ZNF329: variants seen among roughly 807,000 people sequenced by gnomAD.
The protein encoded by ZNF329 is zinc finger protein 329.
A neutral mutation model predicts 26.6 loss-of-function variants in ZNF329; 15 were observed. The ratio of observed to expected loss-of-function variants is 0.56; its 90% CI spans 0.38 to 0.87. ZNF329 has a LOEUF of 0.87. Among genes scored for constraint, ZNF329 ranks in the 40% least tolerant of loss-of-function variants. The pLI is 0.00. For missense variants in ZNF329, 651 were observed against 651.9 expected (o/e 1.00, Z 0.02); for synonymous variants, 239 against 233.5 (o/e 1.02, Z -0.21).
chr19:58,129,397 T>G lies in ZNF329; in HGVS notation c.107A>C (p.Asp36Ala), dbSNP rs2074885240. 1.9e-6 allele frequency: 3 copies of G among 1,614,190 alleles called. No individual in the cohort carries two copies. Among genetic ancestry groups the G allele is most frequent in the Non-Finnish European group, 2.5e-6 (3 of 1,180,020 alleles). ...CTCCTGGTTCTCACAGTCCCAACCA[T>G]CACCTAAACTGGACAAGCAGGGAAC... Reference protein sequence around the residue: ...REVPCLSSLGDGWDCENQEGH... With the variant: ...REVPCLSSLGAGWDCENQEGH... Residue 36 changes from aspartate (D) to alanine (A), a missense_variant, in exon 4 of 4, where the codon GAT (aspartate) becomes GCT (alanine). By Grantham distance (126) the Asp-to-Ala change is moderately radical (BLOSUM62 -2). Coordinates refer to ENST00000598312, the MANE Select transcript of ZNF329 (RefSeq NM_024620.4).
chr19:58,150,290 A>G (rs999767287), intron 1 of ZNF329, among the ~76,000 whole-genome samples: 5 of 152,238 alleles, frequency 3.3e-5, no homozygotes, highest in Non-Finnish European at 7.3e-5. Context: ...GGCTCAGCCC[A>G]CTGGCTCACG....
At chr19:58,135,425 G>A (rs2013635) in intron 3 of ZNF329, among the ~76,000 whole-genome samples, 22,998 of 151,858 alleles carry the variant, frequency 0.15, 1,716 homozygotes, top group Admixed American at 0.19. Context: ...CCACCACTAC[G>A]CCAGCTAATT....
rs1247333559 is a variant in ZNF329, at chr19:58,128,371, T to C, written c.1133A>G (p.Lys378Arg). The C allele has an allele frequency of 1.2e-6, 2 of 1,613,930 alleles. No homozygotes were observed. The highest frequency in any genetic ancestry group is 2.2e-5 in the East Asian group (1 of 44,862). The change falls in exon 4 of 4, where the codon AAA (lysine) becomes AGA (arginine). Residue 378 changes from lysine (K) to arginine (R), a missense_variant. Physicochemically the swap from Lys to Arg is conservative, Grantham distance 26 (BLOSUM62 2). Transcript: ENST00000598312. ...GAGGTGAGAGTTTCTGTTGAAGGAT[T>C]TCCCGCACTCTGCACACTCAAAGGG... The part of the protein sequence containing the change: ...EKPFECAECG[K>R]SFNRNSHLIV...
upstream of ZNF329, among the ~76,000 whole-genome samples, chr19:58,153,720 T>TC (rs1210116255): frequency 3.9e-5 from 6 of 152,228 alleles, no homozygotes; most frequent in East Asian, 3.9e-4. Context: ...ACTTTTTTTT[T>TC]CTCTTAGAAA....
chr19:58,150,351 T>C (rs1023952874), intron 1 of ZNF329, among the ~76,000 whole-genome samples: 3 of 152,124 alleles, frequency 2.0e-5, no homozygotes, highest in African/African-American at 7.2e-5. Context: ...CCCTCACACC[T>C]GACAGAAAAG....
upstream of ZNF329, chr19:58,154,706 CG>C (rs1403764350): frequency 4.6e-5 from 7 of 150,758 alleles, no homozygotes; most frequent in Admixed American, 3.3e-4. Context: ...CCCCCCCCCC[CG>C]CCCCAGGCGG....
At chr19:58,152,495 C>T (rs190084168), upstream of ZNF329, among the ~76,000 whole-genome samples, 13 of 152,084 alleles carry the variant, frequency 8.5e-5, no homozygotes, top group East Asian at 1.5e-3. Flanking sequence ...AGACTCCCCC[C>T]GCCCCCAGCT....
intron 3 of ZNF329, among the ~76,000 whole-genome samples, chr19:58,136,529 G>A (rs1422068699): frequency 6.6e-6 from 1 of 151,694 alleles, no homozygotes; most frequent in East Asian, 1.9e-4. Flanking sequence ...AAAAAAGTTA[G>A]CTGGGTGTGG....
At chr19:58,132,679 GAAAAAAAAAAAA>G (rs1024028960) in intron 3 of ZNF329, 1 of 87,192 alleles carries the variant, frequency 1.1e-5, no homozygotes, top group Non-Finnish European at 2.4e-5. Flanking sequence ...GACTCCGTCT[GAAAAAAAAAAAA>G]AAAAAAGAAA....
In ZNF329 at chr19:58,129,345, A is replaced by C; in HGVS notation, c.159T>G (p.Thr53=). 6.2e-7 allele frequency: 1 copy of C among 1,614,198 alleles called. No homozygotes were observed. Among genetic ancestry groups the C allele is most frequent in the Non-Finnish European group, 8.5e-7 (1 of 1,180,038 alleles). ...CTTCCTGAGTCCCTGGTTTCTCCAG[A>C]GTTAAAGCTGATTGCCTCAAGTGTC... ...QEGHLRQSAL[T]LEKPGTQEAI... Residue 53 remains threonine, a synonymous_variant, in exon 4 of 4, where the codon ACT becomes ACG. Transcript: ENST00000598312.
intron 1 of ZNF329, among the ~76,000 whole-genome samples, chr19:58,150,364 GCA>G (rs2075422257): frequency 1.3e-5 from 2 of 152,212 alleles, no homozygotes; most frequent in African/African-American, 2.4e-5. Context: ...CAGAAAAGCT[GCA>G]GACTCGGGGG....
At chr19:58,147,594 TGGG>T (rs1173390652) in intron 1 of ZNF329, among the ~76,000 whole-genome samples, 1 of 85,122 alleles carries the variant, frequency 1.2e-5, no homozygotes, top group African/African-American at 5.1e-5. Flanking sequence ...GGGAGGGAGG[TGGG>T]GGGGTCAGCC....
upstream of ZNF329, among the ~76,000 whole-genome samples, chr19:58,152,818 C>T (rs1442746040): frequency 6.6e-6 from 1 of 151,956 alleles, no homozygotes; most frequent in East Asian, 1.9e-4. Flanking sequence ...GATCGTGCCA[C>T]TGCACTCCAG....
intron 1 of ZNF329, among the ~76,000 whole-genome samples, chr19:58,149,750 C>T (rs1300829051): frequency 6.6e-6 from 1 of 152,140 alleles, no homozygotes; most frequent in East Asian, 1.9e-4. Flanking sequence ...CCTTTTCAGG[C>T]TGATGGTAAT....
At chr19:58,138,701 A>T (rs2146095304) in intron 3 of ZNF329, among the ~76,000 whole-genome samples, 1 of 152,318 alleles carries the variant, frequency 6.6e-6, no homozygotes, top group Admixed American at 6.5e-5. Flanking sequence ...CGTACAGTTA[A>T]AAGAAATAAA....
intron 1 of ZNF329, among the ~76,000 whole-genome samples, chr19:58,143,529 G>C (rs1014204382): frequency 2.0e-4 from 31 of 152,166 alleles, no homozygotes; most frequent in African/African-American, 7.5e-4. Context: ...TTTTGCCAAA[G>C]TCAAGGCTCC....
chr19:58,146,436 TG>T (rs2146123764), intron 1 of ZNF329, among the ~76,000 whole-genome samples: 1 of 151,800 alleles, frequency 6.6e-6, no homozygotes, highest in African/African-American at 2.4e-5. Context: ...ATCGCTCCAC[TG>T]CACTCTACCC....
intron 3 of ZNF329, among the ~76,000 whole-genome samples, chr19:58,131,241 A>G (rs1440941907): frequency 6.6e-6 from 1 of 152,012 alleles, no homozygotes; most frequent in East Asian, 1.9e-4. Flanking sequence ...TTGATCAACA[A>G]AACTTAACCA....
chr19:58,136,114 C>T (rs2075060263), intron 3 of ZNF329, among the ~76,000 whole-genome samples: 1 of 151,804 alleles, frequency 6.6e-6, no homozygotes, highest in Non-Finnish European at 1.5e-5. Flanking sequence ...GCCTGTACTC[C>T]CAGCTACTCG....
Sources: gnomAD v4.1 joint callset for allele counts (sites outside exome capture counted in the v4.1 genomes callset) on GRCh38, gnomAD v4.1.1 for gene constraint, MANE v1.5 for transcripts, NCBI Gene and HGNC (gene_info 2026-07-23, HGNC 2026-07-21) for gene names.